The following THRB variants were observed in gnomAD, a reference collection of about 807,000 sequenced individuals.
The protein encoded by THRB is thyroid hormone receptor beta.
THRB carries 12 observed loss-of-function variants against 47.8 expected under a neutral mutation model. The ratio of observed to expected loss-of-function variants is 0.25; its 90% CI spans 0.16 to 0.41. The LOEUF (loss-of-function observed/expected upper bound fraction) is 0.41, where lower values mean the gene tolerates loss of function less well. Among genes scored for constraint, THRB ranks in the 10% least tolerant of loss-of-function variants. The pLI, the probability that THRB is intolerant of heterozygous loss-of-function variation, is 1.00. For synonymous variants in THRB, 218 were observed against 212.2 expected (o/e 1.03, Z -0.24); for missense variants, 348 against 589.2 (o/e 0.59, Z 4.24).
chr3:24,263,471 T>C (rs2052303059), intron 3 of THRB, among the ~76,000 whole-genome samples: 2 of 152,130 alleles, frequency 1.3e-5, no homozygotes, highest in Non-Finnish European at 2.9e-5. Flanking sequence ...TATTATGATG[T>C]CACCAATATG....
intron 2 of THRB, among the ~76,000 whole-genome samples, chr3:24,305,125 T>A (rs1015064886): frequency 1.3e-5 from 2 of 152,162 alleles, no homozygotes; most frequent in Admixed American, 6.5e-5. Context: ...GACGAAAACC[T>A]CCTGAGTTTA....
chr3:24,265,495 T>C (rs910415634), intron 3 of THRB, among the ~76,000 whole-genome samples: 1 of 152,256 alleles, frequency 6.6e-6, no homozygotes, highest in South Asian at 2.1e-4. Context: ...CAAAATTTTA[T>C]GTTCTAAGTC....
chr3:24,309,646 T>C (rs1289101060), intron 2 of THRB, among the ~76,000 whole-genome samples: 1 of 152,256 alleles, frequency 6.6e-6, no homozygotes, highest in Non-Finnish European at 1.5e-5. Flanking sequence ...CTTATTTTGT[T>C]ATGCTTTTAA....
intron 3 of THRB, among the ~76,000 whole-genome samples, chr3:24,293,763 T>C (rs1427570823): frequency 6.6e-6 from 1 of 152,198 alleles, no homozygotes; most frequent in African/African-American, 2.4e-5. Flanking sequence ...ATAGGCTGTG[T>C]CCAGGTTGTG....
intron 1 of THRB, among the ~76,000 whole-genome samples, chr3:24,450,210 C>T (rs1450634896): frequency 2.0e-5 from 3 of 152,092 alleles, no homozygotes; most frequent in Admixed American, 6.5e-5. Flanking sequence ...CCTTAGAGAC[C>T]ATGTGATATG....
intron 3 of THRB, among the ~76,000 whole-genome samples, chr3:24,241,087 T>C (rs938726776): frequency 6.6e-6 from 1 of 152,110 alleles, no homozygotes; most frequent in African/African-American, 2.4e-5. Flanking sequence ...GACGCTCAAC[T>C]CCTGTGGCAA....
chr3:24,206,252 T>G (rs2149791456), intron 4 of THRB, among the ~76,000 whole-genome samples: 1 of 152,298 alleles, frequency 6.6e-6, no homozygotes, highest in Middle Eastern at 3.4e-3. Context: ...TAGTTGGAAG[T>G]AAAGCACTCC....
chr3:24,183,517 G>A (rs1448935075), intron 5 of THRB, among the ~76,000 whole-genome samples: 2 of 151,202 alleles, frequency 1.3e-5, no homozygotes, highest in African/African-American at 2.4e-5. Flanking sequence ...ACAGGCACAC[G>A]CCACCATCCC....
chr3:24,322,832 C>T (rs35106928), intron 2 of THRB, among the ~76,000 whole-genome samples: 10,423 of 152,210 alleles, frequency 0.068, 684 homozygotes, highest in Admixed American at 0.21. Context: ...CATGGTCCTG[C>T]ATCTAATCAT....
rs546557309 is a variant in THRB at position 24,288,983 on chromosome 3, G to A, written c.-43+8243C>T. 7.9e-5 allele frequency among the ~76,000 whole-genome samples: 12 copies of A among 152,344 alleles called. No homozygotes were observed. In the East Asian group the frequency reaches 2.3e-3, roughly 29 times the overall value. On this transcript the variant is annotated intron_variant, in intron 3 of 10. Transcript: ENST00000646209. The stretch of plus-strand genomic sequence containing the variant: ...AGCAATGCCAGAAACACTGAAAGAA[G>A]TGACTTGCTTAAGGAAATAAAGCCC...
At chr3:24,217,860 T>G (rs2046734482) in intron 4 of THRB, among the ~76,000 whole-genome samples, 1 of 152,232 alleles carries the variant, frequency 6.6e-6, no homozygotes, top group South Asian at 2.1e-4. Context: ...TGTTTAAAGA[T>G]GCTTATTTTA....
chr3:24,217,771 G>T (rs2046726925), intron 4 of THRB, among the ~76,000 whole-genome samples: 1 of 152,126 alleles, frequency 6.6e-6, no homozygotes, highest in Admixed American at 6.5e-5. Context: ...ATACTGTGTG[G>T]TGTGGTCCCT....
rs561680884 is a variant in THRB, at chr3:24,254,131, A to T, written c.-42-25130T>A. 2.1e-5 allele frequency among the ~76,000 whole-genome samples: 3 copies of T among 142,058 alleles called. No homozygotes were observed. The East Asian group carries it at 6.8e-4, about 32-fold the overall frequency. 93.2% of individuals were successfully genotyped at this position (142,058 alleles called of 152,430 possible). On this transcript the variant is annotated intron_variant, in intron 3 of 10. Coordinates refer to ENST00000646209, the MANE Select transcript of THRB (RefSeq NM_001354712.2). ...GTAATCCCAGCACTTTGGGAGGCCGAGACAGGTGGATCACGAGGTCAGGAG... is the reference window on the plus strand; with the variant it reads ...GTAATCCCAGCACTTTGGGAGGCCGTGACAGGTGGATCACGAGGTCAGGAG...
At chr3:24,221,876 G>A (rs573377770) in intron 4 of THRB, among the ~76,000 whole-genome samples, 12 of 152,274 alleles carry the variant, frequency 7.9e-5, no homozygotes, top group Non-Finnish European at 1.8e-4. Flanking sequence ...CTACTTTTCT[G>A]TAGTAAGTTT....
In THRB at chr3:24,159,827, T is replaced by G. The variant is rs73823212; in HGVS notation, c.284-7337A>C. On this transcript the variant is annotated intron_variant, in intron 5 of 10. Coordinates refer to ENST00000646209, the MANE Select transcript of THRB (RefSeq NM_001354712.2). The stretch of plus-strand genomic sequence containing the variant: ...AGGAATGATGCTAAACGTCCTACAA[T>G]GCACAGGACAACCATCACAACAAAG... Among the ~76,000 whole-genome samples the G allele has an allele frequency of 7.1e-3, 1,078 of 151,716 alleles. 11 individuals carry two copies. Among genetic ancestry groups the G allele is most frequent in the African/African-American group, 0.025 (1,018 of 41,440 alleles).
At chr3:24,396,762 C>T (rs13086388) in intron 1 of THRB, among the ~76,000 whole-genome samples, 71,918 of 151,902 alleles carry the variant, frequency 0.47, 17,234 homozygotes, top group Admixed American at 0.51. Context: ...AAGCATTTAT[C>T]TAATTACTTG....
intron 1 of THRB, among the ~76,000 whole-genome samples, chr3:24,388,104 G>C (rs749448937): frequency 4.6e-5 from 7 of 152,020 alleles, no homozygotes; most frequent in Non-Finnish European, 1.0e-4. Context: ...GGCTGACTCT[G>C]ATGCATATTC....
At chr3:24,126,783 C>A (rs2084566) in intron 10 of THRB, among the ~76,000 whole-genome samples, 4,348 of 152,300 alleles carry the variant, frequency 0.029, 196 homozygotes, top group African/African-American at 0.098. Context: ...ACAGGGGGAC[C>A]GTTGAGTCCT....
At chr3:24,220,583 GTCACC>G (rs1261018017) in intron 4 of THRB, among the ~76,000 whole-genome samples, 11 of 152,126 alleles carry the variant, frequency 7.2e-5, no homozygotes, top group African/African-American at 2.7e-4. Flanking sequence ...CAAATTTCTG[GTCACC>G]TGGCTGTCAT....
Sources: gnomAD v4.1 joint callset for allele counts (sites outside exome capture counted in the v4.1 genomes callset) on GRCh38, gnomAD v4.1.1 for gene constraint, MANE v1.5 for transcripts, NCBI Gene and HGNC (gene_info 2026-07-23, HGNC 2026-07-21) for gene names.